Variants in SDHD observed in about 807,000 individuals in gnomAD.
The protein encoded by SDHD is succinate dehydrogenase complex subunit D.
A neutral mutation model predicts 18.7 loss-of-function variants in SDHD; 6 were observed. The observed-to-expected ratio is 0.32, with a 90% CI of 0.18 to 0.63. The LOEUF is 0.63. Among genes scored for constraint, SDHD ranks in the 30% least tolerant of loss-of-function variants. The pLI, the probability that SDHD is intolerant of heterozygous loss-of-function variation, is 0.79. For missense variants in SDHD, 160 were observed against 192.7 expected (o/e 0.83, Z 1.00); for synonymous variants, 56 against 73.9 (o/e 0.76, Z 1.24).
In SDHD at chr11:112,095,457, C is replaced by G; in HGVS notation, c.*487C>G. Reference sequence around the variant, plus strand: ...AGTAGATACCACCTACTGATGGTTACATATACTAGGGAAATTTTAAAATTA... The same window carrying G: ...AGTAGATACCACCTACTGATGGTTAGATATACTAGGGAAATTTTAAAATTA... On this transcript the variant is annotated 3_prime_UTR_variant, in exon 4 of 4. Coordinates refer to ENST00000375549, the MANE Select transcript of SDHD (RefSeq NM_003002.4). 4.1e-6 allele frequency: 1 copy of G among 241,818 alleles called. No individual in the cohort carries two copies. The highest frequency in any genetic ancestry group is 8.2e-6 in the Non-Finnish European group (1 of 122,636). 15.0% of individuals were successfully genotyped at this position (241,818 alleles called of 1,614,324 possible).
At chr11:112,093,945 T>G (rs1015067992) in intron 3 of SDHD, among the ~76,000 whole-genome samples, 3 of 152,246 alleles carry the variant, frequency 2.0e-5, no homozygotes, top group African/African-American at 7.2e-5. Context: ...CCAACATTTA[T>G]GACAGATTCT....
rs149516118 is a variant in SDHD at position 112,087,962 on chromosome 11, C to T, written c.158C>T (p.Pro53Leu). 39 of 1,604,708 alleles carry T rather than the reference C, an allele frequency of 2.4e-5. No individual in the cohort carries two copies. The Middle Eastern group carries it at 4.9e-4, about 20-fold the overall frequency. The change falls in exon 2 of 4, where the codon CCG (proline) becomes CTG (leucine). Residue 53 changes from proline (P) to leucine (L), a missense_variant. By Grantham distance (98) the Pro-to-Leu change is moderately conservative. Transcript: ENST00000375549. ...GGAGTGCAGCACATACACTTGTCAC[C>T]GAGCCACCATTGTATGTTCTCTCCA... ...WCGVQHIHLS[P>L]SHHSGSKAAS...
chr11:112,087,258 C>G (rs1865630177), intron 1 of SDHD, among the ~76,000 whole-genome samples: 1 of 152,058 alleles, frequency 6.6e-6, no homozygotes, highest in Non-Finnish European at 1.5e-5. Flanking sequence ...CTAGAATGCT[C>G]CCCACTCGCT....
intron 3 of SDHD, among the ~76,000 whole-genome samples, chr11:112,092,434 A>G (rs1592783999): frequency 1.3e-5 from 2 of 152,236 alleles, no homozygotes; most frequent in South Asian, 2.1e-4. Flanking sequence ...CATTCATCAC[A>G]CTACAGCCAT....
intron 3 of SDHD, chr11:112,093,159 C>A: frequency 2.6e-6 from 1 of 381,640 alleles, no homozygotes; most frequent in Admixed American, 3.1e-5. Context: ...CTCCGCCTTT[C>A]GGGTTCAAGC....
rs906623105 is a variant in SDHD at position 112,095,053 on chromosome 11, G to T, written c.*83G>T. ...ATGCCATTAAGCTCACAATAAGGAAGAAATAACAGATAAGTCCATTGGTGG... is the reference window on the plus strand; with the variant it reads ...ATGCCATTAAGCTCACAATAAGGAATAAATAACAGATAAGTCCATTGGTGG... On this transcript the variant is annotated 3_prime_UTR_variant, in exon 4 of 4. Coordinates refer to ENST00000375549, the MANE Select transcript of SDHD (RefSeq NM_003002.4). 9.7e-7 allele frequency: 1 copy of T among 1,031,404 alleles called. No homozygotes were observed. The highest frequency in any genetic ancestry group is 1.6e-5 in the African/African-American group (1 of 63,924). 63.9% of individuals were successfully genotyped at this position (1,031,404 alleles called of 1,614,324 possible). A position where few individuals can be genotyped will look rare whatever the true frequency, so the allele number is the denominator to read the frequency against.
chr11:112,087,989 C>T lies in SDHD; in HGVS notation c.169+16C>T, dbSNP rs747535048. On this transcript the variant is annotated intron_variant, in intron 2 of 3. Transcript: ENST00000375549. Reference sequence around the variant, plus strand: ...AGCCACCATTGTATGTTCTCTCCATCGCTGCTGCTTTCTGGGCTCTAGCCA... The same window carrying T: ...AGCCACCATTGTATGTTCTCTCCATTGCTGCTGCTTTCTGGGCTCTAGCCA... 1.3e-6 allele frequency: 2 copies of T among 1,528,480 alleles called. No homozygotes were observed. Among genetic ancestry groups the T allele is most frequent in the East Asian group, 2.2e-5 (1 of 44,484 alleles). The allele number at this position is 1,528,480 out of a possible 1,614,324, so 94.7% of individuals were successfully genotyped here.
At chr11:112,090,269 C>T (rs1388590624) in intron 3 of SDHD, among the ~76,000 whole-genome samples, 8 of 152,008 alleles carry the variant, frequency 5.3e-5, no homozygotes, top group East Asian at 1.9e-4. Context: ...CCACCACATC[C>T]GGCTAATTTT....
At position 112,087,037 on chromosome 11, in the gene SDHD, C is replaced by T. The variant is rs1211613760; in HGVS notation, c.52+78C>T. ...GGGATGGAAGTGAGGACTCATCTGCCGGGTGGGAGATCTCTTGAGGAGAAG... is the reference window on the plus strand; with the variant it reads ...GGGATGGAAGTGAGGACTCATCTGCTGGGTGGGAGATCTCTTGAGGAGAAG... On this transcript the variant is annotated intron_variant, in intron 1 of 3. Coordinates refer to ENST00000375549, the MANE Select transcript of SDHD (RefSeq NM_003002.4). 5.3e-6 allele frequency: 8 copies of T among 1,507,772 alleles called. No homozygotes were observed. The South Asian group carries it at 5.7e-5, about 11-fold the overall frequency. 93.4% of individuals were successfully genotyped at this position (1,507,772 alleles called of 1,614,324 possible). A position where few individuals can be genotyped will look rare whatever the true frequency, so the allele number is the denominator to read the frequency against.
intron 3 of SDHD, among the ~76,000 whole-genome samples, chr11:112,092,120 A>T (rs534909704): frequency 6.6e-6 from 1 of 152,258 alleles, no homozygotes; most frequent in Admixed American, 6.5e-5. Context: ...GAGCACTAGG[A>T]TAAATACCTA....
At chr11:112,090,307 C>T (rs1048031561) in intron 3 of SDHD, among the ~76,000 whole-genome samples, 1 of 148,670 alleles carries the variant, frequency 6.7e-6, no homozygotes, top group Non-Finnish European at 1.5e-5. Flanking sequence ...GACGGGGTTT[C>T]GCCATTTTGG....
intron 2 of SDHD, chr11:112,088,414 G>A (rs967714020): frequency 1.2e-5 from 4 of 333,346 alleles, no homozygotes; most frequent in African/African-American, 8.6e-5. Context: ...GGCCGGGCTG[G>A]TCTCAAACTC....
rs958628083 is a variant in SDHD, at chr11:112,087,718, A to C, written c.53-139A>C. 1.9e-5 allele frequency: 14 copies of C among 751,196 alleles called. No homozygotes were observed. The Admixed American group carries it at 2.4e-4, about 13-fold the overall frequency. The allele number at this position is 751,196 out of a possible 1,614,324, so 46.5% of individuals were successfully genotyped here. On this transcript the variant is annotated intron_variant, in intron 1 of 3. Coordinates refer to ENST00000375549, the MANE Select transcript of SDHD (RefSeq NM_003002.4). ...CTTAACTTCACAGTAACCCCAGTGA[A>C]ATAGATGCTATCTTCATTTTACAAA... is the stretch of plus-strand genomic sequence containing the variant.
At chr11:112,089,405 A>G (rs866905220) in intron 3 of SDHD, among the ~76,000 whole-genome samples, 1 of 152,190 alleles carries the variant, frequency 6.6e-6, no homozygotes, top group South Asian at 2.1e-4. Context: ...ATTTGTGTTC[A>G]TTCCCAACAC....
At position 112,091,346 on chromosome 11, in the gene SDHD, G is replaced by T. The variant is rs575782608; in HGVS notation, c.314+2335G>T. On this transcript the variant is annotated intron_variant, in intron 3 of 3. Transcript: ENST00000375549. ...CCTCCACTTGCTTGAAGTCTCAGCC[G>T]CCTTCAACTCAATTAACAATTCTCC... Among the ~76,000 whole-genome samples, 301 of 152,210 alleles carry T rather than the reference G, an allele frequency of 2.0e-3. 1 individual carries two copies. The highest frequency in any genetic ancestry group is 1.9e-3 in the Non-Finnish European group (129 of 68,020).
At chr11:112,092,343 AAC>A (rs1346217625) in intron 3 of SDHD, among the ~76,000 whole-genome samples, 1 of 152,078 alleles carries the variant, frequency 6.6e-6, no homozygotes, top group Non-Finnish European at 1.5e-5. Flanking sequence ...AGGTTAAGAC[AAC>A]AGTCTCACGT....
intron 3 of SDHD, among the ~76,000 whole-genome samples, chr11:112,089,684 T>G (rs2135270761): frequency 6.6e-6 from 1 of 152,322 alleles, no homozygotes; most frequent in South Asian, 2.1e-4. Flanking sequence ...TTTTTCTAGC[T>G]ATACACTTGG....
intron 3 of SDHD, among the ~76,000 whole-genome samples, chr11:112,092,917 A>G (rs1230139770): frequency 6.6e-6 from 1 of 152,154 alleles, no homozygotes; most frequent in African/African-American, 2.4e-5. Context: ...TATTCATACA[A>G]TAGAATATTA....
rs200486533 is a variant in SDHD at position 112,088,915 on chromosome 11, G to A, written c.218G>A (p.Ser73Asn). Residue 73 changes from serine (S) to asparagine (N), a missense_variant, in exon 3 of 4, where the codon AGT (serine) becomes AAT (asparagine). Transcript: ENST00000375549. Reference protein sequence around the residue: ...SLHWTSERVVSVLLLGLLPAA... With the variant: ...SLHWTSERVVNVLLLGLLPAA... ...CACTGGACTAGCGAGAGGGTTGTCA[G>A]TGTTTTGCTCCTGGGTCTGCTTCCG... 1 of 1,613,134 alleles carries A rather than the reference G, an allele frequency of 6.2e-7. No homozygotes were observed. Among genetic ancestry groups the A allele is most frequent in the South Asian group, 1.1e-5 (1 of 91,030 alleles).
Sources: gnomAD v4.1 joint callset for allele counts (sites outside exome capture counted in the v4.1 genomes callset) on GRCh38, gnomAD v4.1.1 for gene constraint, MANE v1.5 for transcripts, NCBI Gene and HGNC (gene_info 2026-07-23, HGNC 2026-07-21) for gene names.